Variants in PRIM2 observed in about 807,000 individuals in gnomAD.
PRIM2 encodes DNA primase large subunit.
Under a neutral mutation model 67.3 loss-of-function variants are expected in PRIM2, and 39 were observed. The ratio of observed to expected loss-of-function variants is 0.58; its 90% CI spans 0.45 to 0.76. PRIM2 has a LOEUF of 0.76. Among genes scored for constraint, PRIM2 ranks in the 30% least tolerant of loss-of-function variants. The probability of loss-of-function intolerance (pLI) is 0.00; values close to 1 mark genes in which losing one functional copy is unlikely to be tolerated. For synonymous variants in PRIM2, 143 were observed against 198.7 expected (o/e 0.72, Z 2.36); for missense variants, 398 against 598.7 (o/e 0.66, Z 3.50).
chr6:57,530,140 G>C (rs1774855439), intron 8 of PRIM2, among the ~76,000 whole-genome samples: 1 of 152,186 alleles, frequency 6.6e-6, no homozygotes. Context: ...GGAAGGGACA[G>C]ATATGCAAAC....
chr6:57,239,663 T>C, the PRIM2 span, among the ~76,000 whole-genome samples: 1 of 152,152 alleles, frequency 6.6e-6, no homozygotes, highest in Non-Finnish European at 1.5e-5. Context: ...GAGGATCACC[T>C]GAGCCTGGGG....
At chr6:57,231,332 G>C in the PRIM2 span, among the ~76,000 whole-genome samples, 1 of 152,118 alleles carries the variant, frequency 6.6e-6, no homozygotes, top group Non-Finnish European at 1.5e-5. Flanking sequence ...TGGTAGGGAG[G>C]GGAAAGGGAT....
chr6:57,497,371 G>A (rs1554346472), intron 7 of PRIM2: 2 of 152,068 alleles, frequency 1.3e-5, no homozygotes, highest in African/African-American at 2.4e-5. Flanking sequence ...TTGCTCAAGC[G>A]ATTGTTTTAC....
intron 5 of PRIM2, among the ~76,000 whole-genome samples, chr6:57,369,977 T>C (rs4712152): frequency 6.6e-6 from 1 of 152,228 alleles, no homozygotes; most frequent in Non-Finnish European, 1.5e-5. Context: ...GTACACACTT[T>C]ACATACTTTA....
chr6:57,351,963 A>G lies in PRIM2; in HGVS notation c.459+25918A>G, dbSNP rs572247650. On this transcript the variant is annotated intron_variant, in intron 5 of 13. Coordinates refer to ENST00000615550, the MANE Select transcript of PRIM2 (RefSeq NM_000947.5). ...TCTACTATAAAATGAGGAAAATTAT[A>G]GTATCTCCTTAATAGAATTGTTGTG... is the stretch of plus-strand genomic sequence containing the variant. Among the ~76,000 whole-genome samples the G allele has an allele frequency of 1.3e-3, 197 of 152,334 alleles. 5 individuals are homozygous for G. The East Asian group carries it at 0.017, about 13-fold the overall frequency.
At chr6:57,438,857 C>T (rs1772099686) in intron 7 of PRIM2, among the ~76,000 whole-genome samples, 1 of 151,528 alleles carries the variant, frequency 6.6e-6, no homozygotes, top group Non-Finnish European at 1.5e-5. Context: ...ACTGCAACCT[C>T]CGCCTCTGGG....
At chr6:57,447,576 A>T (rs1033334755) in intron 7 of PRIM2, among the ~76,000 whole-genome samples, 2 of 152,232 alleles carry the variant, frequency 1.3e-5, no homozygotes, top group African/African-American at 4.8e-5. Flanking sequence ...GATAATGATC[A>T]CATTGATTTA....
At chr6:57,416,871 G>T (rs1173911325) in intron 7 of PRIM2, among the ~76,000 whole-genome samples, 2 of 152,108 alleles carry the variant, frequency 1.3e-5, no homozygotes, top group Non-Finnish European at 2.9e-5. Flanking sequence ...GCTTGGTCTG[G>T]ATTAGGCTTA....
At chr6:57,518,608 T>A (rs1284016773) in intron 8 of PRIM2, among the ~76,000 whole-genome samples, 5 of 152,058 alleles carry the variant, frequency 3.3e-5, no homozygotes, top group African/African-American at 9.7e-5. Context: ...GGTTAAAAAA[T>A]TTTACCTTTA....
chr6:57,291,945 GA>G, the PRIM2 span, among the ~76,000 whole-genome samples: 1 of 152,140 alleles, frequency 6.6e-6, no homozygotes. Context: ...ACAAGACAAG[GA>G]TGCCCTCTCT....
Position 57,385,143 on chromosome 6 carries a change from G to A in PRIM2, c.693+2975G>A, listed in dbSNP as rs145978448. On this transcript the variant is annotated intron_variant, in intron 7 of 13. Coordinates refer to ENST00000615550, the MANE Select transcript of PRIM2 (RefSeq NM_000947.5). ...TTTTACAATTTTTTTCTACTTTCTG[G>A]GTAGAAGTGGGGGATCTATACTGAG... Among the ~76,000 whole-genome samples, 575 of 152,142 alleles carry A rather than the reference G, an allele frequency of 3.8e-3. 6 individuals are homozygous for A. Among genetic ancestry groups the A allele is most frequent in the Middle Eastern group, 0.02 (6 of 294 alleles).
At chr6:57,371,899 C>T (rs1769571913) in intron 5 of PRIM2, among the ~76,000 whole-genome samples, 1 of 152,180 alleles carries the variant, frequency 6.6e-6, no homozygotes, top group East Asian at 1.9e-4. Flanking sequence ...CAGAGAATTT[C>T]CCTTATGGAA....
At chr6:57,573,606 T>C (rs1775902890) in intron 10 of PRIM2, among the ~76,000 whole-genome samples, 1 of 152,156 alleles carries the variant, frequency 6.6e-6, no homozygotes, top group East Asian at 1.9e-4. Flanking sequence ...ATCACTCATA[T>C]AAGCTTTTAA....
At chr6:57,442,892 C>T (rs991722987) in intron 7 of PRIM2, among the ~76,000 whole-genome samples, 1 of 152,076 alleles carries the variant, frequency 6.6e-6, no homozygotes, top group African/African-American at 2.4e-5. Context: ...AAAAATTTCT[C>T]TTAACTGATA....
At chr6:57,569,387 TATTAAC>T (rs1173326553) in intron 10 of PRIM2, among the ~76,000 whole-genome samples, 4 of 152,246 alleles carry the variant, frequency 2.6e-5, no homozygotes, top group Non-Finnish European at 5.9e-5. Context: ...AAGTTGCAGA[TATTAAC>T]AGTAACTGGC....
chr6:57,467,121 G>GAAA (rs1442922940), intron 7 of PRIM2, among the ~76,000 whole-genome samples: 3 of 136,742 alleles, frequency 2.2e-5, no homozygotes, highest in African/African-American at 2.7e-5. Context: ...AAAAAAAAAA[G>GAAA]AAAAGAAAAA....
At chr6:57,587,014 T>G (rs1430890755) in intron 10 of PRIM2, 1 of 152,160 alleles carries the variant, frequency 6.6e-6, no homozygotes, top group Non-Finnish European at 1.5e-5. Flanking sequence ...AAATGATGAA[T>G]AGTAGAAGCT....
chr6:57,393,000 T>TTATA (rs66531304), intron 7 of PRIM2, among the ~76,000 whole-genome samples: 45,237 of 149,916 alleles, frequency 0.3, 7,309 homozygotes, highest in South Asian at 0.44. Context: ...GTATTCCTTA[T>TTATA]TATATATATA....
chr6:57,610,492 A>G (rs1316199262), intron 12 of PRIM2, among the ~76,000 whole-genome samples: 1 of 152,046 alleles, frequency 6.6e-6, no homozygotes, highest in African/African-American at 2.4e-5. Flanking sequence ...TTTCCTTTTT[A>G]ATTAACCTTA....
Sources: allele counts gnomAD v4.1 joint callset (sites outside exome capture counted in the v4.1 genomes callset), GRCh38; gene constraint gnomAD v4.1.1; transcripts MANE v1.5; gene names NCBI Gene and HGNC (gene_info 2026-07-23, HGNC 2026-07-21).